The following GLIS3 variants were observed in gnomAD, a reference collection of about 807,000 sequenced individuals.
GLIS3 encodes the protein zinc finger protein GLIS3.
GLIS3 carries 53 observed loss-of-function variants against 78.6 expected under a neutral mutation model. The ratio of observed to expected loss-of-function variants is 0.67; its 90% CI spans 0.54 to 0.85. The LOEUF (loss-of-function observed/expected upper bound fraction) is 0.85. GLIS3 is among the 40% of genes least tolerant of loss of function. The pLI is 0.00. For missense variants in GLIS3, 1,703 were observed against 1,231.1 expected (o/e 1.38, Z -5.74); for synonymous variants, 684 against 509.9 (o/e 1.34, Z -4.60).
At position 4,176,710 on chromosome 9, in the gene GLIS3, G is replaced by A. The variant is rs150204398; in HGVS notation, c.389-50769C>T. 6.5e-4 allele frequency among the ~76,000 whole-genome samples: 99 copies of A among 152,188 alleles called. No homozygotes were observed. In the East Asian group the frequency reaches 0.017, roughly 26 times the overall value. ...GCCATCTCAGCTCACTACAACCTCC[G>A]CCTCCCGGGTTCAAATGATTCTCCT... On this transcript the variant is annotated intron_variant, in intron 2 of 10. Transcript: ENST00000381971.
the GLIS3 span, among the ~76,000 whole-genome samples, chr9:4,407,015 G>A: frequency 6.6e-6 from 1 of 152,118 alleles, no homozygotes; most frequent in African/African-American, 2.4e-5. Context: ...AACAAAACTG[G>A]AAGAATCACA....
chr9:3,903,924 T>C (rs1823489621), intron 6 of GLIS3, among the ~76,000 whole-genome samples: 1 of 152,064 alleles, frequency 6.6e-6, no homozygotes. Flanking sequence ...GAGGTCAGCA[T>C]GGCTGGGGTG....
intron 1 of GLIS3, among the ~76,000 whole-genome samples, chr9:4,287,039 G>A (rs904453134): frequency 3.9e-5 from 6 of 152,216 alleles, no homozygotes; most frequent in South Asian, 2.1e-4. Flanking sequence ...CCCTAGATTC[G>A]AAAAAGATGA....
chr9:4,322,213 C>CT (rs1262149543), intron 2 of GLIS3, among the ~76,000 whole-genome samples: 3 of 152,110 alleles, frequency 2.0e-5, no homozygotes, highest in African/African-American at 4.8e-5. Flanking sequence ...TGAACTCATC[C>CT]TTTTTTATAG....
intron 2 of GLIS3, among the ~76,000 whole-genome samples, chr9:4,221,233 G>A (rs1821307043): frequency 6.6e-6 from 1 of 152,122 alleles, no homozygotes; most frequent in Non-Finnish European, 1.5e-5. Context: ...TGATAAGGCA[G>A]AAATGAGGTA....
At chr9:4,195,316 A>G (rs1818717209) in intron 2 of GLIS3, among the ~76,000 whole-genome samples, 1 of 151,758 alleles carries the variant, frequency 6.6e-6, no homozygotes, top group African/African-American at 2.4e-5. Flanking sequence ...GCGGGTGGGA[A>G]CTGGGGCTGT....
rs564212128 is a variant in GLIS3, at chr9:4,208,627, A to C, written c.388+77411T>G. 2.0e-5 allele frequency among the ~76,000 whole-genome samples: 3 copies of C among 152,320 alleles called. No homozygotes were observed. In the East Asian group the frequency reaches 5.8e-4, roughly 29 times the overall value. On this transcript the variant is annotated intron_variant, in intron 2 of 10. Coordinates refer to ENST00000381971, the MANE Select transcript of GLIS3 (RefSeq NM_001042413.2). Reference sequence around the variant, plus strand: ...TGTCCTGTGCTCTCTGTAAAGTGTGACTGAAATTGTCTGTTAGGGAATAGT... The same window carrying C: ...TGTCCTGTGCTCTCTGTAAAGTGTGCCTGAAATTGTCTGTTAGGGAATAGT...
At chr9:4,164,968 G>C (rs1302816121) in intron 2 of GLIS3, among the ~76,000 whole-genome samples, 2 of 152,150 alleles carry the variant, frequency 1.3e-5, no homozygotes, top group African/African-American at 4.8e-5. Flanking sequence ...TTTTGTTCTT[G>C]GTTTCCTTTT....
chr9:4,355,349 T>C, the GLIS3 span, among the ~76,000 whole-genome samples: 1 of 152,126 alleles, frequency 6.6e-6, no homozygotes, highest in African/African-American at 2.4e-5. Flanking sequence ...GCAGGGCTCA[T>C]TTAGGCAATG....
chr9:4,066,017 C>T (rs1307902902), intron 4 of GLIS3, among the ~76,000 whole-genome samples: 4 of 131,788 alleles, frequency 3.0e-5, no homozygotes, highest in Non-Finnish European at 4.8e-5. Context: ...TCCAACATCT[C>T]ATTAAAATGA....
Position 3,957,579 on chromosome 9 carries a change from C to G in GLIS3, c.1711-20390G>C, listed in dbSNP as rs1340208495. Among the ~76,000 whole-genome samples, 7 of 152,278 alleles carry G rather than the reference C, an allele frequency of 4.6e-5. No homozygotes were observed. In the East Asian group the frequency reaches 1.4e-3, roughly 29 times the overall value. The stretch of plus-strand genomic sequence containing the variant: ...CTGACATAGAAAATTAGATCCTCAG[C>G]CCAGAGGCAACACTAGAGAACAGTG... On this transcript the variant is annotated intron_variant, in intron 4 of 10. Coordinates refer to ENST00000381971, the MANE Select transcript of GLIS3 (RefSeq NM_001042413.2).
intron 2 of GLIS3, among the ~76,000 whole-genome samples, chr9:4,219,840 G>T (rs1340779967): frequency 6.6e-6 from 1 of 152,128 alleles, no homozygotes; most frequent in Non-Finnish European, 1.5e-5. Flanking sequence ...TATTTCCTAG[G>T]TCTCCCTGCT....
At chr9:4,355,796 C>A in the GLIS3 span, among the ~76,000 whole-genome samples, 1 of 152,116 alleles carries the variant, frequency 6.6e-6, no homozygotes, top group Admixed American at 6.5e-5. Flanking sequence ...TGCACCTATA[C>A]AATGATGAAA....
chr9:4,417,713 T>A, the GLIS3 span, among the ~76,000 whole-genome samples: 2 of 152,352 alleles, frequency 1.3e-5, no homozygotes, highest in South Asian at 4.1e-4. Context: ...AAAGGTCATC[T>A]AATGTTACAT....
intron 2 of GLIS3, among the ~76,000 whole-genome samples, chr9:4,331,714 G>C (rs928577677): frequency 3.0e-4 from 45 of 152,192 alleles, no homozygotes; most frequent in African/African-American, 1.0e-3. Flanking sequence ...TCACAGACTT[G>C]AGTGTGAGCC....
At chr9:4,354,140 G>C in the GLIS3 span, among the ~76,000 whole-genome samples, 1 of 152,014 alleles carries the variant, frequency 6.6e-6, no homozygotes, top group Non-Finnish European at 1.5e-5. Context: ...CCGGCCAACT[G>C]CAGGAAAATT....
chr9:4,418,809 G>T, the GLIS3 span, among the ~76,000 whole-genome samples: 1 of 152,210 alleles, frequency 6.6e-6, no homozygotes, highest in Admixed American at 6.5e-5. Flanking sequence ...TTAAGAAAGA[G>T]TAAGATTTCA....
chr9:3,892,743 T>C (rs1822548377), intron 7 of GLIS3, among the ~76,000 whole-genome samples: 1 of 152,044 alleles, frequency 6.6e-6, no homozygotes, highest in African/African-American at 2.4e-5. Context: ...GGAAGGCAAA[T>C]TCAGTTGAAG....
At chr9:4,152,195 AGGAAGG>A (rs1229964247) in intron 2 of GLIS3, 1 of 822,580 alleles carries the variant, frequency 1.2e-6, no homozygotes. Flanking sequence ...TGTGAGCCTC[AGGAAGG>A]AACCAAAGGA....
Sources: allele counts gnomAD v4.1 joint callset (sites outside exome capture counted in the v4.1 genomes callset), GRCh38; gene constraint gnomAD v4.1.1; transcripts MANE v1.5; gene names NCBI Gene and HGNC (gene_info 2026-07-23, HGNC 2026-07-21).